Variants in CACNA2D3 observed in about 807,000 individuals in gnomAD.
The protein encoded by CACNA2D3 is calcium voltage-gated channel auxiliary subunit alpha2delta 3, also known as voltage-dependent calcium channel subunit alpha-2/delta-3.
A neutral mutation model predicts 160.6 loss-of-function variants in CACNA2D3; 60 were observed. The ratio of observed to expected loss-of-function variants is 0.37; its 90% confidence interval spans 0.30 to 0.46. The LOEUF (loss-of-function observed/expected upper bound fraction) is 0.46, where lower values mean the gene tolerates loss of function less well. Ranked by LOEUF, CACNA2D3 falls within the 20% of genes least tolerant of loss-of-function variation. The pLI is 1.00. For synonymous variants in CACNA2D3, 558 were observed against 492.9 expected (o/e 1.13, Z -1.75); for missense variants, 1,205 against 1,365.0 (o/e 0.88, Z 1.85).
At chr3:54,816,763 CA>C in intron 13 of CACNA2D3, 89 bp from the exon 14 acceptor site, 1 of 1,488,774 alleles carries the variant, frequency 6.7e-7, no homozygotes, top group Non-Finnish European at 9.1e-7. Flanking sequence ...TCTCCATTTG[CA>C]AATGGCAAGA....
In CACNA2D3 at chr3:55,073,769, C is replaced by G. The variant is rs1256051673; in HGVS notation, c.3101-8C>G. 1 of 1,610,230 alleles carries G rather than the reference C, an allele frequency of 6.2e-7. No homozygotes were observed. The highest frequency in any genetic ancestry group is 1.1e-5 in the South Asian group (1 of 90,798). ...AATCCTTGGAAACATGCCTTAACTA[C>G]AGTCAACATAATGAATCCCTTAAGT... On this transcript the variant is annotated splice_region_variant and splice_polypyrimidine_tract_variant and intron_variant, in intron 36 of 37. Coordinates refer to ENST00000474759, the MANE Select transcript of CACNA2D3 (RefSeq NM_018398.3).
chr3:54,771,079 G>A (rs1299161150), intron 13 of CACNA2D3, among the ~76,000 whole-genome samples: 2 of 152,086 alleles, frequency 1.3e-5, no homozygotes, highest in Non-Finnish European at 2.9e-5. Context: ...GGATCTGGGG[G>A]CTGGGTTAGT....
chr3:54,889,309 T>A (rs1700000526), intron 24 of CACNA2D3, among the ~76,000 whole-genome samples: 1 of 152,186 alleles, frequency 6.6e-6, no homozygotes, highest in African/African-American at 2.4e-5. Context: ...AAAAGATCTC[T>A]CTATTGCTGT....
intron 17 of CACNA2D3, among the ~76,000 whole-genome samples, chr3:54,862,405 GCACA>G (rs1306488649): frequency 4.3e-5 from 6 of 138,664 alleles, no homozygotes; most frequent in Non-Finnish European, 7.8e-5. Context: ...ACACACACAC[GCACA>G]CACACGCACA....
intron 8 of CACNA2D3, among the ~76,000 whole-genome samples, chr3:54,570,643 C>T (rs927887880): frequency 6.6e-6 from 1 of 151,998 alleles, no homozygotes; most frequent in South Asian, 2.1e-4. Context: ...CCTTAATCTT[C>T]ATATTTTTAT....
chr3:54,803,466 G>C (rs1211871435), intron 13 of CACNA2D3, among the ~76,000 whole-genome samples: 1 of 152,152 alleles, frequency 6.6e-6, no homozygotes, highest in African/African-American at 2.4e-5. Context: ...ATCAGTGATG[G>C]AAGATGAAAT....
chr3:54,697,341 G>C (rs932345700), intron 11 of CACNA2D3, among the ~76,000 whole-genome samples: 5 of 152,156 alleles, frequency 3.3e-5, no homozygotes, highest in Non-Finnish European at 7.3e-5. Flanking sequence ...TCTGGGTCCA[G>C]AGTCAGACTC....
chr3:54,910,320 T>C (rs1401805054), intron 27 of CACNA2D3, among the ~76,000 whole-genome samples: 2 of 152,222 alleles, frequency 1.3e-5, no homozygotes, highest in African/African-American at 4.8e-5. Context: ...TGTTACATTA[T>C]TTTATTTGTG....
intron 13 of CACNA2D3, among the ~76,000 whole-genome samples, chr3:54,771,166 A>G (rs1316290222): frequency 3.3e-5 from 5 of 152,148 alleles, no homozygotes; most frequent in African/African-American, 1.2e-4. Flanking sequence ...ATCTTTCCAG[A>G]CACAGAGAGA....
At chr3:54,434,095 C>G (rs1237129308) in intron 4 of CACNA2D3, among the ~76,000 whole-genome samples, 2 of 152,150 alleles carry the variant, frequency 1.3e-5, no homozygotes, top group African/African-American at 4.8e-5. Flanking sequence ...CCATTTCCTC[C>G]TTGGTGGAAG....
At chr3:54,293,174 A>G (rs1283198835) in intron 2 of CACNA2D3, among the ~76,000 whole-genome samples, 1 of 152,186 alleles carries the variant, frequency 6.6e-6, no homozygotes, top group Non-Finnish European at 1.5e-5. Flanking sequence ...AACTGAGTGG[A>G]GGGGAGAATG....
intron 2 of CACNA2D3, among the ~76,000 whole-genome samples, chr3:54,151,765 G>A (rs1043382868): frequency 4.6e-5 from 7 of 152,182 alleles, no homozygotes; most frequent in Non-Finnish European, 8.8e-5. Context: ...AGCCCTTCCT[G>A]TGTAGTCAGG....
At chr3:54,265,780 GCAA>G (rs1329730415) in intron 2 of CACNA2D3, among the ~76,000 whole-genome samples, 1 of 147,000 alleles carries the variant, frequency 6.8e-6, no homozygotes, top group East Asian at 2.0e-4. Context: ...GCATATGAAG[GCAA>G]AAAAAAAAAG....
At chr3:55,015,231 C>T (rs189790023) in intron 34 of CACNA2D3, among the ~76,000 whole-genome samples, 3 of 152,240 alleles carry the variant, frequency 2.0e-5, no homozygotes, top group Admixed American at 6.5e-5. Context: ...CTTCACAGAG[C>T]AGTTAAACAT....
At chr3:54,133,289 G>A (rs1285280258) in intron 2 of CACNA2D3, among the ~76,000 whole-genome samples, 1 of 152,176 alleles carries the variant, frequency 6.6e-6, no homozygotes, top group South Asian at 2.1e-4. Flanking sequence ...CAGTTTTAGA[G>A]ATGCAGAAAC....
intron 3 of CACNA2D3, among the ~76,000 whole-genome samples, chr3:54,383,257 A>G (rs1214338697): frequency 6.6e-6 from 1 of 152,180 alleles, no homozygotes; most frequent in East Asian, 1.9e-4. Flanking sequence ...TCCACAAGAC[A>G]CATATTTCTT....
At chr3:54,529,092 A>G (rs1575505274) in intron 5 of CACNA2D3, among the ~76,000 whole-genome samples, 1 of 152,228 alleles carries the variant, frequency 6.6e-6, no homozygotes, top group East Asian at 1.9e-4. Flanking sequence ...CAGCACAGTG[A>G]TGGAACTCAG....
intron 35 of CACNA2D3, among the ~76,000 whole-genome samples, chr3:55,049,106 G>A (rs576171658): frequency 2.5e-4 from 38 of 151,720 alleles, no homozygotes; most frequent in African/African-American, 7.5e-4. Context: ...GTTTCCTTCC[G>A]TTCTGCTCTG....
At chr3:54,315,403 C>G (rs1457454802) in intron 2 of CACNA2D3, among the ~76,000 whole-genome samples, 4 of 152,224 alleles carry the variant, frequency 2.6e-5, no homozygotes, top group Admixed American at 1.3e-4. Flanking sequence ...CTGCCAATGT[C>G]TCCTGGTTTT....
Sources: gnomAD v4.1 joint callset for allele counts (sites outside exome capture counted in the v4.1 genomes callset) on GRCh38, gnomAD v4.1.1 for gene constraint, MANE v1.5 for transcripts, NCBI Gene and HGNC (gene_info 2026-07-23, HGNC 2026-07-21) for gene names.